The following BCKDHA variants were observed in gnomAD, a reference collection of about 807,000 sequenced individuals.
BCKDHA encodes 2-oxoisovalerate dehydrogenase subunit alpha, mitochondrial.
In BCKDHA, 43 loss-of-function variants were observed where a neutral mutation model predicts 52.2. The ratio of observed to expected loss-of-function variants is 0.82; its 90% confidence interval spans 0.64 to 1.06. BCKDHA has a LOEUF of 1.06. BCKDHA is among the 50% of genes least tolerant of loss of function. BCKDHA has a pLI of 0.00. For synonymous variants in BCKDHA, 234 were observed against 247.9 expected (o/e 0.94, Z 0.53); for missense variants, 527 against 621.3 (o/e 0.85, Z 1.61).
chr19:41,406,718 T>C lies in BCKDHA; in HGVS notation c.109-3919T>C, dbSNP rs1213251848. ...CCAAGTAGCTGGGATTACAGGCACC[T>C]ACCATCATGCACGGCTGTTTTTTGT... On this transcript the variant is annotated intron_variant, in intron 1 of 8. Coordinates refer to ENST00000269980, the MANE Select transcript of BCKDHA (RefSeq NM_000709.4). 3.3e-5 allele frequency among the ~76,000 whole-genome samples: 5 copies of C among 152,094 alleles called. No individual in the cohort carries two copies. In the East Asian group the frequency reaches 9.7e-4, roughly 30 times the overall value.
At chr19:41,408,939 A>T (rs2039222760) in intron 1 of BCKDHA, among the ~76,000 whole-genome samples, 1 of 150,886 alleles carries the variant, frequency 6.6e-6, no homozygotes, top group South Asian at 2.1e-4. Context: ...TGAAGGACAC[A>T]CTATTCCTTG....
At chr19:41,418,993 C>A in intron 4 of BCKDHA, 142 bp from the exon 5 acceptor site, 1 of 968,436 alleles carries the variant, frequency 1.0e-6, no homozygotes, top group Non-Finnish European at 1.6e-6. Flanking sequence ...TGGGCAGAGT[C>A]AGTCAGTCTG....
chr19:41,405,289 A>T (rs1163976241), intron 1 of BCKDHA, among the ~76,000 whole-genome samples: 3 of 151,360 alleles, frequency 2.0e-5, no homozygotes, highest in Admixed American at 1.3e-4. Context: ...TTCTTTAAAA[A>T]TTTTTTCTTT....
chr19:41,417,395 G>A (rs1013489552), intron 4 of BCKDHA, among the ~76,000 whole-genome samples: 13 of 152,130 alleles, frequency 8.5e-5, no homozygotes, highest in African/African-American at 3.1e-4. Flanking sequence ...TTCTGAGAAA[G>A]CCTGATTCCA....
chr19:41,424,585 C>G lies in BCKDHA; in HGVS notation c.1315C>G (p.Pro439Ala), dbSNP rs777868592. Reference protein sequence around the residue: ...RHLQTYGEHYPLDHFDK With the variant: ...RHLQTYGEHYALDHFDK ...CCTGCAGACCTACGGGGAGCACTAC[C>G]CACTGGATCACTTCGATAAGTGAGA... is the stretch of plus-strand genomic sequence containing the variant. Residue 439 changes from proline to alanine, a missense_variant, in exon 9 of 9, where the codon CCA becomes GCA. Coordinates refer to ENST00000269980, the MANE Select transcript of BCKDHA (RefSeq NM_000709.4). 4.3e-6 allele frequency: 7 copies of G among 1,610,086 alleles called. No individual in the cohort carries two copies. The highest frequency in any genetic ancestry group is 5.9e-6 in the Non-Finnish European group (7 of 1,177,162).
chr19:41,401,801 G>A (rs189389271), intron 1 of BCKDHA, among the ~76,000 whole-genome samples: 16 of 152,310 alleles, frequency 1.1e-4, no homozygotes, highest in African/African-American at 3.8e-4. Flanking sequence ...AGCCCCTGGA[G>A]CTCGCTCTGT....
rs569595824 is a variant in BCKDHA, at chr19:41,422,648, T to C, written c.873T>C (p.Tyr291=). ...GDGIAARGPG[Y]GIMSIRVDGN... ...CCACAGCAGCACGAGGCCCCGGGTA[T>C]GGCATCATGTCAATCCGCGTGGATG... is the stretch of plus-strand genomic sequence containing the variant. The change falls in exon 7 of 9, where the codon TAT becomes TAC. Residue 291 remains tyrosine (Y), a synonymous_variant. Coordinates refer to ENST00000269980, the MANE Select transcript of BCKDHA (RefSeq NM_000709.4). 6.2e-7 allele frequency: 1 copy of C among 1,614,116 alleles called. No homozygotes were observed. The highest frequency in any genetic ancestry group is 1.1e-5 in the South Asian group (1 of 91,084).
At chr19:41,410,303 A>G (rs772407738) in intron 1 of BCKDHA, among the ~76,000 whole-genome samples, 3 of 152,198 alleles carry the variant, frequency 2.0e-5, no homozygotes, top group Non-Finnish European at 2.9e-5. Flanking sequence ...GTTTGGGCCT[A>G]TGGTAATGAG....
At chr19:41,419,355 G>A (rs143740201) in intron 5 of BCKDHA, 59 bp downstream of exon 5, 2 of 1,556,782 alleles carry the variant, frequency 1.3e-6, no homozygotes, top group Non-Finnish European at 1.7e-6. Context: ...CCCCTGTCCA[G>A]GCCTCAGCTC....
intron 1 of BCKDHA, among the ~76,000 whole-genome samples, chr19:41,401,817 T>G (rs1358350692): frequency 6.6e-6 from 1 of 152,198 alleles, no homozygotes; most frequent in Non-Finnish European, 1.5e-5. Flanking sequence ...TCTGTGCTAA[T>G]TATCGGTGAC....
At chr19:41,422,798 C>T in intron 7 of BCKDHA, 28 bp downstream of exon 7, 1 of 1,611,920 alleles carries the variant, frequency 6.2e-7, no homozygotes, top group Non-Finnish European at 8.5e-7. Context: ...CGTCAGCACC[C>T]CCACAGCACT....
intron 1 of BCKDHA, among the ~76,000 whole-genome samples, chr19:41,406,200 C>T (rs1354789522): frequency 6.6e-6 from 1 of 152,156 alleles, no homozygotes; most frequent in Non-Finnish European, 1.5e-5. Context: ...GTATGTGGAG[C>T]ACACTGGGGT....
intron 4 of BCKDHA, among the ~76,000 whole-genome samples, chr19:41,418,069 G>A (rs1180562933): frequency 7.0e-6 from 1 of 142,288 alleles, no homozygotes; most frequent in Admixed American, 7.3e-5. Context: ...TCCAGCCTGG[G>A]TGGCCAAGCC....
chr19:41,408,376 C>T (rs534178916), intron 1 of BCKDHA, among the ~76,000 whole-genome samples: 20 of 152,142 alleles, frequency 1.3e-4, no homozygotes, highest in Middle Eastern at 3.4e-3. Flanking sequence ...ACAAATTCCC[C>T]GAGGAGTTAG....
intron 4 of BCKDHA, among the ~76,000 whole-genome samples, chr19:41,418,358 T>G (rs1316393585): frequency 6.6e-6 from 1 of 152,140 alleles, no homozygotes; most frequent in Admixed American, 6.5e-5. Context: ...TTCTGTCTTC[T>G]AACTTCGGAG....
At chr19:41,404,869 C>A (rs2039176532) in intron 1 of BCKDHA, among the ~76,000 whole-genome samples, 1 of 152,196 alleles carries the variant, frequency 6.6e-6, no homozygotes, top group Non-Finnish European at 1.5e-5. Context: ...CCCAAATCTG[C>A]TGGGATTACA....
intron 4 of BCKDHA, among the ~76,000 whole-genome samples, chr19:41,414,660 G>A (rs554087198): frequency 1.3e-5 from 2 of 152,208 alleles, no homozygotes; most frequent in East Asian, 3.9e-4. Flanking sequence ...AGAGGGGCCC[G>A]GCAAGCCCAG....
rs75018879 is a variant in BCKDHA, at chr19:41,416,371, C to G, written c.484+2214C>G. 3.7e-3 allele frequency among the ~76,000 whole-genome samples: 558 copies of G among 152,312 alleles called. 2 individuals carry two copies. The highest frequency in any genetic ancestry group is 0.013 in the African/African-American group (529 of 41,556). On this transcript the variant is annotated intron_variant, in intron 4 of 8. Coordinates refer to ENST00000269980, the MANE Select transcript of BCKDHA (RefSeq NM_000709.4). ...CAGTGGTGTTGCCTCATTGAGGCAC[C>G]TCCCCCATCCATGTGAGGCAGGAGA...
chr19:41,412,790 G>A (rs988716605), intron 3 of BCKDHA, among the ~76,000 whole-genome samples: 8 of 151,986 alleles, frequency 5.3e-5, no homozygotes, highest in African/African-American at 1.9e-4. Flanking sequence ...TGCAACCTCC[G>A]CCTCCCAGGT....
Sources: gnomAD v4.1 joint callset for allele counts (sites outside exome capture counted in the v4.1 genomes callset) on GRCh38, gnomAD v4.1.1 for gene constraint, MANE v1.5 for transcripts, NCBI Gene and HGNC (gene_info 2026-07-23, HGNC 2026-07-21) for gene names.